The following TLN2 variants were observed in gnomAD, a reference collection of about 807,000 sequenced individuals.
TLN2 encodes talin 2.
In TLN2, 118 loss-of-function variants were observed where a neutral mutation model predicts 294.7. The observed-to-expected ratio is 0.40, with a 90% CI of 0.34 to 0.47. The LOEUF is 0.47. TLN2 is among the 20% of genes least tolerant of loss of function. The probability of loss-of-function intolerance (pLI) is 0.84; values close to 1 mark genes in which losing one functional copy is unlikely to be tolerated. For missense variants in TLN2, 3,083 were observed against 3,282.2 expected (o/e 0.94, Z 1.48); for synonymous variants, 1,431 against 1,304.5 (o/e 1.10, Z -2.09).
intron 53 of TLN2, among the ~76,000 whole-genome samples, chr15:62,820,080 A>C (rs2067434175): frequency 6.6e-6 from 1 of 152,204 alleles, no homozygotes. Context: ...AATTAAGGTG[A>C]GGGGTCAGTC....
chr15:62,674,404 TAAATTA>T (rs1394867532), intron 10 of TLN2, among the ~76,000 whole-genome samples: 1 of 152,202 alleles, frequency 6.6e-6, no homozygotes, highest in Non-Finnish European at 1.5e-5. Context: ...AATGTAAATA[TAAATTA>T]AAATACAAAT....
chr15:62,446,039 C>T (rs1595821761), intron 1 of TLN2, among the ~76,000 whole-genome samples: 1 of 151,388 alleles, frequency 6.6e-6, no homozygotes, highest in Admixed American at 6.6e-5. Context: ...GACAGAGTCT[C>T]ACTGTCGCCC....
chr15:62,673,261 C>T (rs2055672624), intron 9 of TLN2, among the ~76,000 whole-genome samples: 1 of 131,924 alleles, frequency 7.6e-6, no homozygotes, highest in African/African-American at 2.7e-5. Context: ...TGTAGTTATG[C>T]TGTCAGCTTG....
chr15:62,782,455 C>T (rs1175484631), intron 44 of TLN2, among the ~76,000 whole-genome samples: 1 of 152,220 alleles, frequency 6.6e-6, no homozygotes, highest in African/African-American at 2.4e-5. Flanking sequence ...TTTGAGCAGC[C>T]TCATGGTGTT....
At chr15:62,633,633 A>C (rs566548607) in intron 3 of TLN2, among the ~76,000 whole-genome samples, 1 of 152,274 alleles carries the variant, frequency 6.6e-6, no homozygotes, top group African/African-American at 2.4e-5. Context: ...GTTTATAATT[A>C]TTCTACTGAT....
chr15:62,557,468 A>G (rs1452889494), intron 1 of TLN2, among the ~76,000 whole-genome samples: 2 of 152,250 alleles, frequency 1.3e-5, no homozygotes, highest in African/African-American at 4.8e-5. Flanking sequence ...AGGGGTCCTT[A>G]TCTGTGTTAC....
At position 62,762,262 on chromosome 15, in the gene TLN2, T is replaced by G; in HGVS notation, c.4780-10T>G. ...ACCCTGACTTTGATTTCTCTGCTGT[T>G]TGGTCTCAGGGTTCCCAGGCACAGG... On this transcript the variant is annotated splice_polypyrimidine_tract_variant and intron_variant, in intron 38 of 58. Transcript: ENST00000636159. The G allele has an allele frequency of 2.5e-6, 4 of 1,614,010 alleles. No individual in the cohort carries two copies. Among genetic ancestry groups the G allele is most frequent in the Non-Finnish European group, 2.5e-6 (3 of 1,179,890 alleles).
intron 36 of TLN2, 103 bp downstream of exon 36, chr15:62,754,019 G>A (rs2062084429): frequency 7.4e-7 from 1 of 1,352,892 alleles, no homozygotes; most frequent in African/African-American, 1.5e-5. Flanking sequence ...TTCTTTCAGA[G>A]CTTGCAAAGG....
At chr15:62,492,967 C>T (rs2038828844) in intron 1 of TLN2, among the ~76,000 whole-genome samples, 1 of 152,178 alleles carries the variant, frequency 6.6e-6, no homozygotes, top group Admixed American at 6.5e-5. Context: ...CATTTGAGGA[C>T]TCGGAGAGTT....
intron 6 of TLN2, among the ~76,000 whole-genome samples, chr15:62,652,722 T>C (rs2052732877): frequency 6.6e-6 from 1 of 152,110 alleles, no homozygotes; most frequent in Non-Finnish European, 1.5e-5. Flanking sequence ...GATGAGAGAA[T>C]TGAATGTGAC....
intron 52 of TLN2, among the ~76,000 whole-genome samples, chr15:62,814,127 A>C (rs1052282375): frequency 1.3e-5 from 2 of 152,192 alleles, no homozygotes; most frequent in African/African-American, 4.8e-5. Flanking sequence ...TTTTATTAAG[A>C]GCATACAGTA....
At chr15:62,485,734 G>C (rs1227140354) in intron 1 of TLN2, among the ~76,000 whole-genome samples, 1 of 152,110 alleles carries the variant, frequency 6.6e-6, no homozygotes, top group Non-Finnish European at 1.5e-5. Flanking sequence ...CCTCCATTCT[G>C]AGCTCCTCAC....
chr15:62,671,328 G>T (rs1316969205), intron 9 of TLN2, among the ~76,000 whole-genome samples: 1 of 151,850 alleles, frequency 6.6e-6, no homozygotes, highest in Non-Finnish European at 1.5e-5. Flanking sequence ...TGTGCTTTTG[G>T]TATTGTATCT....
intron 2 of TLN2, among the ~76,000 whole-genome samples, chr15:62,608,307 G>A (rs893427178): frequency 6.6e-6 from 1 of 152,102 alleles, no homozygotes; most frequent in Admixed American, 6.5e-5. Context: ...AAGGGGTGGG[G>A]GTGGTGTTAG....
At chr15:62,528,868 T>C (rs900540960) in intron 1 of TLN2, among the ~76,000 whole-genome samples, 5 of 152,176 alleles carry the variant, frequency 3.3e-5, no homozygotes, top group Middle Eastern at 3.2e-3. Flanking sequence ...GCTTGTTTAC[T>C]TTCTGTACTT....
At chr15:62,634,384 C>G (rs954890819) in intron 3 of TLN2, among the ~76,000 whole-genome samples, 3 of 152,068 alleles carry the variant, frequency 2.0e-5, no homozygotes, top group African/African-American at 7.2e-5. Context: ...CCAGCTTTAT[C>G]TTAAGTTTTA....
chr15:62,703,621 ACG>A (rs200251505), intron 19 of TLN2, among the ~76,000 whole-genome samples: 4,211 of 147,376 alleles, frequency 0.029, 70 homozygotes, highest in Non-Finnish European at 0.038. Flanking sequence ...ACACACACAC[ACG>A]CGCGCACACA....
intron 3 of TLN2, among the ~76,000 whole-genome samples, chr15:62,620,611 G>A (rs117609197): frequency 0.031 from 4,717 of 150,780 alleles, 124 homozygotes; most frequent in South Asian, 0.07. Context: ...CCCTAATAGC[G>A]GGCACTACAG....
At chr15:62,575,277 GCCATAGCACT>G (rs1289442999) in intron 1 of TLN2, among the ~76,000 whole-genome samples, 1 of 152,152 alleles carries the variant, frequency 6.6e-6, no homozygotes, top group Non-Finnish European at 1.5e-5. Flanking sequence ...CCGAGATTGT[GCCATAGCACT>G]CCAGCGTGAG....
Sources: gnomAD v4.1 joint callset for allele counts (sites outside exome capture counted in the v4.1 genomes callset) on GRCh38, gnomAD v4.1.1 for gene constraint, MANE v1.5 for transcripts, NCBI Gene and HGNC (gene_info 2026-07-23, HGNC 2026-07-21) for gene names.